The following ASAP2 variants were observed in gnomAD, a reference collection of about 807,000 sequenced individuals.
The protein encoded by ASAP2 is ArfGAP with SH3 domain, ankyrin repeat and PH domain 2, also known as arf-GAP with SH3 domain, ANK repeat and PH domain-containing protein 2.
ASAP2 carries 45 observed loss-of-function variants against 131.4 expected under a neutral mutation model. That is an observed-to-expected ratio of 0.34 (90% confidence interval 0.27 to 0.44). The LOEUF (loss-of-function observed/expected upper bound fraction) is 0.44, where lower values mean the gene tolerates loss of function less well. Among genes scored for constraint, ASAP2 ranks in the 20% least tolerant of loss-of-function variants. The pLI is 1.00. For synonymous variants in ASAP2, 510 were observed against 503.0 expected (o/e 1.01, Z -0.19); for missense variants, 1,011 against 1,297.0 (o/e 0.78, Z 3.39).
chr2:9,309,345 C>T lies in ASAP2; in HGVS notation c.346-9179C>T, dbSNP rs140179635. ...TACATGAATGAATCGCACAGTCATG[C>T]GCAGTCCCAAAATCATGATGCAAGA... On this transcript the variant is annotated intron_variant, in intron 3 of 27. Transcript: ENST00000281419. Among the ~76,000 whole-genome samples, 151 of 152,290 alleles carry T rather than the reference C, an allele frequency of 9.9e-4. 1 individual carries two copies. The highest frequency in any genetic ancestry group is 3.1e-3 in the African/African-American group (130 of 41,554).
intron 11 of ASAP2, among the ~76,000 whole-genome samples, chr2:9,349,453 T>C (rs917234664): frequency 2.0e-5 from 3 of 152,264 alleles, no homozygotes; most frequent in Admixed American, 6.5e-5. Context: ...TATTGGTTCC[T>C]GGATAAGTTA....
intron 15 of ASAP2, among the ~76,000 whole-genome samples, chr2:9,359,769 C>T (rs1672967795): frequency 6.6e-6 from 1 of 152,206 alleles, no homozygotes; most frequent in South Asian, 2.1e-4. Context: ...TGTGTCTGAA[C>T]TTCGAATGCA....
chr2:9,258,474 T>A (rs554273622), intron 1 of ASAP2, among the ~76,000 whole-genome samples: 5 of 152,110 alleles, frequency 3.3e-5, no homozygotes, highest in Non-Finnish European at 7.4e-5. Flanking sequence ...AAGGTGGTAC[T>A]TTCATAGAAT....
chr2:9,366,569 A>G (rs187499798), intron 15 of ASAP2, among the ~76,000 whole-genome samples: 1 of 152,266 alleles, frequency 6.6e-6, no homozygotes, highest in East Asian at 1.9e-4. Flanking sequence ...TTCCTGGTGC[A>G]TAGGTACCTG....
At chr2:9,301,170 G>C (rs1263457378) in intron 3 of ASAP2, among the ~76,000 whole-genome samples, 1 of 152,176 alleles carries the variant, frequency 6.6e-6, no homozygotes, top group African/African-American at 2.4e-5. Context: ...AAACATTTCA[G>C]TTCTGTCTGG....
Position 9,392,104 on chromosome 2 carries a change from C to T in ASAP2, c.2518+908C>T, listed in dbSNP as rs1391389970. Among the ~76,000 whole-genome samples the T allele has an allele frequency of 6.6e-6, 1 of 152,204 alleles. No individual in the cohort carries two copies. The highest frequency in any genetic ancestry group is 1.9e-4 in the East Asian group (1 of 5,198). Reference sequence around the variant, plus strand: ...TCCTGGGCTCAAGTGATCCACCCGCCTTGTCCTCCCAAAGTGCTGGGATTA... The same window carrying T: ...TCCTGGGCTCAAGTGATCCACCCGCTTTGTCCTCCCAAAGTGCTGGGATTA... On this transcript the variant is annotated intron_variant, in intron 23 of 27. Coordinates refer to ENST00000281419, the MANE Select transcript of ASAP2 (RefSeq NM_003887.3). This position sits in a 1 kb window ranked among gnomAD's most constrained non-coding sequence, Gnocchi z 4.0.
At chr2:9,231,428 T>C (rs1376920331) in intron 1 of ASAP2, among the ~76,000 whole-genome samples, 1 of 152,170 alleles carries the variant, frequency 6.6e-6, no homozygotes, top group African/African-American at 2.4e-5. Context: ...AGCCTGGGCT[T>C]TGACAGACTT....
At chr2:9,240,683 G>A (rs1383657096) in intron 1 of ASAP2, among the ~76,000 whole-genome samples, 1 of 152,132 alleles carries the variant, frequency 6.6e-6, no homozygotes, top group East Asian at 1.9e-4. Flanking sequence ...ATGAATAGAA[G>A]ACCCACTTTT....
chr2:9,307,348 C>T (rs533985878), intron 3 of ASAP2, among the ~76,000 whole-genome samples: 4 of 152,286 alleles, frequency 2.6e-5, no homozygotes, highest in South Asian at 2.1e-4. Context: ...TCACCCTTGG[C>T]GAGATGGAGA....
intron 1 of ASAP2, among the ~76,000 whole-genome samples, chr2:9,211,677 T>C (rs1342698524): frequency 6.6e-6 from 1 of 152,204 alleles, no homozygotes; most frequent in Non-Finnish European, 1.5e-5. Context: ...GGGTTCTAAC[T>C]GCAGGGGTGG....
intron 6 of ASAP2, among the ~76,000 whole-genome samples, chr2:9,326,619 A>T (rs1414701290): frequency 6.6e-6 from 1 of 152,208 alleles, no homozygotes; most frequent in African/African-American, 2.4e-5. Flanking sequence ...TTAAGTAAAC[A>T]TCTTTATATG....
intron 2 of ASAP2, 74 bp from the exon 3 acceptor site, chr2:9,297,226 C>T: frequency 6.4e-7 from 1 of 1,572,590 alleles, no homozygotes; most frequent in South Asian, 1.1e-5. Context: ...GTGTTATTCA[C>T]AACCGAGAAG....
In ASAP2 at chr2:9,353,719, C is replaced by T. The variant is rs1249345189; in HGVS notation, c.1112-2328C>T. ...CATCTTGGAATCTGCCCAGAGAACT[C>T]AGAAGAGCAATAGACTGGCTGGCTG... On this transcript the variant is annotated intron_variant, in intron 12 of 27. Transcript: ENST00000281419. 2.0e-5 allele frequency among the ~76,000 whole-genome samples: 3 copies of T among 152,198 alleles called. No homozygotes were observed. In the South Asian group the frequency reaches 6.2e-4, roughly 32 times the overall value.
intron 2 of ASAP2, among the ~76,000 whole-genome samples, chr2:9,282,066 C>G (rs962006384): frequency 2.6e-5 from 4 of 152,182 alleles, no homozygotes; most frequent in African/African-American, 9.7e-5. Flanking sequence ...AAACTGAGGT[C>G]CAAGGAAGTT....
chr2:9,221,323 C>CTTTTTTTTTTT (rs35784307), intron 1 of ASAP2, among the ~76,000 whole-genome samples: 2 of 132,014 alleles, frequency 1.5e-5, no homozygotes, highest in Non-Finnish European at 3.2e-5. Flanking sequence ...CTTTTCTTTT[C>CTTTTTTTTTTT]TTTTTTTTTT....
intron 1 of ASAP2, among the ~76,000 whole-genome samples, chr2:9,256,292 C>G (rs1375370772): frequency 6.6e-6 from 1 of 151,884 alleles, no homozygotes; most frequent in African/African-American, 2.4e-5. Flanking sequence ...TGTCAGTGGG[C>G]GCCAGGATGT....
At chr2:9,400,392 C>A (rs1290221927) in intron 25 of ASAP2, among the ~76,000 whole-genome samples, 2 of 90,684 alleles carry the variant, frequency 2.2e-5, no homozygotes, top group Non-Finnish European at 4.3e-5. Flanking sequence ...CTTCCTCCAC[C>A]CCTCCCTTCC....
At chr2:9,351,133 C>T (rs1177475460) in intron 12 of ASAP2, among the ~76,000 whole-genome samples, 4 of 152,322 alleles carry the variant, frequency 2.6e-5, no homozygotes, top group Admixed American at 2.6e-4. Flanking sequence ...AGTCCTGAGA[C>T]ATTACCTGGC....
chr2:9,286,447 A>T (rs12986548), intron 2 of ASAP2, among the ~76,000 whole-genome samples: 61,671 of 148,362 alleles, frequency 0.42, 13,840 homozygotes, highest in East Asian at 0.81. Flanking sequence ...GAAAAAAAAA[A>T]ATATATATAT....
Sources: gnomAD v4.1 joint callset for allele counts (sites outside exome capture counted in the v4.1 genomes callset) on GRCh38, gnomAD v4.1.1 for gene constraint, Gnocchi (gnomAD v3.1) non-coding constraint, MANE v1.5 for transcripts, NCBI Gene and HGNC (gene_info 2026-07-23, HGNC 2026-07-21) for gene names.